CSMD2: variants seen among roughly 807,000 people sequenced by gnomAD.
The protein encoded by CSMD2 is CUB and sushi domain-containing protein 2.
In CSMD2, 130 loss-of-function variants were observed where a neutral mutation model predicts 398.5. The ratio of observed to expected loss-of-function variants is 0.33; its 90% CI spans 0.28 to 0.38. The LOEUF is 0.38. Among genes scored for constraint, CSMD2 ranks in the 10% least tolerant of loss-of-function variants. CSMD2 has a pLI of 1.00. For missense variants in CSMD2, 3,829 were observed against 4,764.9 expected (o/e 0.80, Z 5.78); for synonymous variants, 1,828 against 1,908.5 (o/e 0.96, Z 1.10).
intron 52 of CSMD2, 101 bp downstream of exon 52, chr1:33,569,273 G>C: frequency 1.6e-6 from 2 of 1,254,108 alleles, no homozygotes; most frequent in Non-Finnish European, 2.2e-6. Context: ...TATGTCAATA[G>C]GTGAAATGAT....
chr1:33,767,139 G>A (rs1435031962), intron 13 of CSMD2, among the ~76,000 whole-genome samples: 1 of 152,180 alleles, frequency 6.6e-6, no homozygotes, highest in African/African-American at 2.4e-5. Context: ...AGAACCCACA[G>A]ATTTTTAAGA....
chr1:34,160,985 T>C (rs1641274595), intron 1 of CSMD2, among the ~76,000 whole-genome samples: 1 of 152,026 alleles, frequency 6.6e-6, no homozygotes, highest in African/African-American at 2.4e-5. Context: ...AATTAGTTAG[T>C]AAGGGAGTGG....
chr1:33,811,609 T>C (rs1244083815), intron 9 of CSMD2, among the ~76,000 whole-genome samples: 1 of 152,182 alleles, frequency 6.6e-6, no homozygotes, highest in Non-Finnish European at 1.5e-5. Context: ...TCAAGGTGAA[T>C]TAGAAGTGTT....
At chr1:33,654,153 T>C (rs1643883098) in intron 27 of CSMD2, among the ~76,000 whole-genome samples, 2 of 152,148 alleles carry the variant, frequency 1.3e-5, no homozygotes, top group Non-Finnish European at 2.9e-5. Context: ...TGGGAAAATA[T>C]ATCCCAAGAA....
intron 5 of CSMD2, among the ~76,000 whole-genome samples, chr1:33,881,354 G>C (rs534129981): frequency 2.6e-4 from 40 of 152,282 alleles, no homozygotes; most frequent in African/African-American, 9.4e-4. Flanking sequence ...TATAAAAACT[G>C]TTCTGTAGGA....
intron 5 of CSMD2, among the ~76,000 whole-genome samples, chr1:33,866,746 C>T (rs922687202): frequency 6.6e-6 from 1 of 152,212 alleles, no homozygotes; most frequent in Non-Finnish European, 1.5e-5. Context: ...GGGTGCTGGC[C>T]CTCCAGCCTG....
intron 53 of CSMD2, 97 bp downstream of exon 53, chr1:33,567,496 T>TATATATATATATATATATA (rs61334036): frequency 2.5e-5 from 23 of 934,386 alleles, no homozygotes; most frequent in African/African-American, 1.3e-4. Context: ...TATATATATA[T>TATATATATATATATATATA]TTAAAACAAA....
At chr1:33,622,043 T>C in intron 37 of CSMD2, 124 bp downstream of exon 37, 1 of 740,656 alleles carries the variant, frequency 1.4e-6, no homozygotes, top group Non-Finnish European at 2.4e-6. Context: ...TTCACCTAGG[T>C]TTGTGGGAAG....
intron 24 of CSMD2, 40 bp from the exon 25 acceptor site, chr1:33,693,096 C>G: frequency 6.4e-7 from 1 of 1,554,354 alleles, no homozygotes; most frequent in East Asian, 2.4e-5. Flanking sequence ...ATGGGGTGGC[C>G]TGAGCTGCCA....
At chr1:33,736,693 C>G (rs115585374) in intron 15 of CSMD2, among the ~76,000 whole-genome samples, 1,567 of 152,258 alleles carry the variant, frequency 0.01, 37 homozygotes, top group African/African-American at 0.036. Flanking sequence ...GACTAAGCCC[C>G]TGCAGGCTCA....
intron 53 of CSMD2, among the ~76,000 whole-genome samples, chr1:33,560,159 C>A (rs778553012): frequency 1.2e-4 from 19 of 152,294 alleles, no homozygotes; most frequent in Non-Finnish European, 2.5e-4. Flanking sequence ...GGGAGGCTAT[C>A]CCCAACATTG....
intron 2 of CSMD2, among the ~76,000 whole-genome samples, chr1:34,065,419 G>A (rs1330595662): frequency 6.6e-6 from 1 of 152,176 alleles, no homozygotes; most frequent in Non-Finnish European, 1.5e-5. Flanking sequence ...CAGTCCAGAA[G>A]CACACATTCT....
At chr1:33,765,299 T>C (rs1028775482) in intron 13 of CSMD2, among the ~76,000 whole-genome samples, 3 of 152,222 alleles carry the variant, frequency 2.0e-5, no homozygotes, top group African/African-American at 7.2e-5. Flanking sequence ...GAAGGAGTTG[T>C]TTCTAGCTCT....
intron 3 of CSMD2, among the ~76,000 whole-genome samples, chr1:33,996,485 C>G (rs1646730468): frequency 6.6e-6 from 1 of 152,206 alleles, no homozygotes; most frequent in Non-Finnish European, 1.5e-5. Context: ...AAGTCCTACT[C>G]ATCCTGAAGC....
Position 33,843,807 on chromosome 1 carries a change from C to T in CSMD2, c.1033+3077G>A, listed in dbSNP as rs928050785. ...TACTGATCCCCTGATCCCCTCCTCACGCCCTGGCTACTATGGATCCCTGTG... is the reference window on the plus strand; with the variant it reads ...TACTGATCCCCTGATCCCCTCCTCATGCCCTGGCTACTATGGATCCCTGTG... On this transcript the variant is annotated intron_variant, in intron 6 of 70. Transcript: ENST00000373381. Among the ~76,000 whole-genome samples the T allele has an allele frequency of 6.6e-5, 10 of 152,328 alleles. No individual in the cohort carries two copies. The East Asian group carries it at 1.2e-3, about 18-fold the overall frequency.
intron 5 of CSMD2, among the ~76,000 whole-genome samples, chr1:33,869,611 G>C (rs1225213567): frequency 6.6e-6 from 1 of 152,190 alleles, no homozygotes; most frequent in Non-Finnish European, 1.5e-5. Flanking sequence ...CTGGGAGTTG[G>C]ATCTATAATT....
chr1:34,001,770 TATAA>T (rs1426052356), intron 3 of CSMD2, among the ~76,000 whole-genome samples: 3 of 152,176 alleles, frequency 2.0e-5, no homozygotes, highest in Non-Finnish European at 4.4e-5. Context: ...CAGAATGGAA[TATAA>T]ATGTTATAGA....
At chr1:34,044,748 T>C (rs16836271) in intron 2 of CSMD2, among the ~76,000 whole-genome samples, 4,053 of 152,260 alleles carry the variant, frequency 0.027, 172 homozygotes, top group African/African-American at 0.088. Context: ...AATAGTAATA[T>C]AGCAAATTGG....
chr1:33,628,838 TAGAC>T (rs909192274), intron 32 of CSMD2, among the ~76,000 whole-genome samples: 45 of 151,866 alleles, frequency 3.0e-4, no homozygotes, highest in African/African-American at 1.0e-3. Flanking sequence ...GAAAATCACA[TAGAC>T]AGAAAAGCAC....
Sources: allele counts gnomAD v4.1 joint callset (sites outside exome capture counted in the v4.1 genomes callset), GRCh38; gene constraint gnomAD v4.1.1; transcripts MANE v1.5; gene names NCBI Gene and HGNC (gene_info 2026-07-23, HGNC 2026-07-21).